Variants in DBX2 observed in about 807,000 individuals in gnomAD.
The protein encoded by DBX2 is developing brain homeobox 2, also known as homeobox protein DBX2.
Under a neutral mutation model 17.7 loss-of-function variants are expected in DBX2, and 16 were observed. That is an observed-to-expected ratio of 0.90 (90% confidence interval 0.61 to 1.37). The LOEUF is 1.37. Ranked by LOEUF, DBX2 falls within the 40% of genes most tolerant of loss-of-function variation. The pLI is 0.00. For missense variants in DBX2, 538 were observed against 433.8 expected (o/e 1.24, Z -2.13); for synonymous variants, 255 against 183.8 (o/e 1.39, Z -3.13).
At chr12:45,035,253 T>C (rs1368424147) in intron 2 of DBX2, among the ~76,000 whole-genome samples, 2 of 152,162 alleles carry the variant, frequency 1.3e-5, no homozygotes, top group Admixed American at 6.5e-5. Flanking sequence ...TGAGTAAGTG[T>C]TTTCTCTTGG....
At position 45,036,114 on chromosome 12, in the gene DBX2, G is replaced by A; in HGVS notation, c.404C>T (p.Ala135Val). The change falls in exon 2 of 4, where the codon GCA (alanine) becomes GTA (valine). Residue 135 changes from alanine (A) to valine (V), a missense_variant and splice_region_variant. By Grantham distance (64) the Ala-to-Val change is moderately conservative. Transcript: ENST00000332700. ...GCTCAGAAGGAAAGGTTTGGAAGGT[G>A]CTGCAGAGAAAGCATTGATCTCATT... is the stretch of plus-strand genomic sequence containing the variant. ...RDCTFQPSAP[A>V]PSKPFLLSTP... 6.2e-7 allele frequency: 1 copy of A among 1,609,104 alleles called. No homozygotes were observed. Among genetic ancestry groups the A allele is most frequent in the African/African-American group, 1.3e-5 (1 of 74,826 alleles).
chr12:45,038,949 A>G (rs2137028748), intron 1 of DBX2, among the ~76,000 whole-genome samples: 1 of 152,196 alleles, frequency 6.6e-6, no homozygotes, highest in African/African-American at 2.4e-5. Context: ...TAACAATTCT[A>G]GTTTTGACTA....
rs1415723811 is a variant in DBX2 at position 45,016,493 on chromosome 12, A to G, written c.813T>C (p.Gly271=). 6 of 1,613,696 alleles carry G rather than the reference A, an allele frequency of 3.7e-6. No individual in the cohort carries two copies. The East Asian group carries it at 8.9e-5, about 24-fold the overall frequency. ...QEDPLSRSAL[G]FPSPCPSIWD... ...ATATTGAAGGACATGGAGAAGGGAAACCCAGAGCAGACCGTGAGAGGGGAT... is the reference window on the plus strand; with the variant it reads ...ATATTGAAGGACATGGAGAAGGGAAGCCCAGAGCAGACCGTGAGAGGGGAT... Residue 271 remains glycine (G), a synonymous_variant, in exon 4 of 4, where the codon GGT becomes GGC. Coordinates refer to ENST00000332700, the MANE Select transcript of DBX2 (RefSeq NM_001004329.3).
At chr12:45,041,577 T>C (rs564806055) in intron 1 of DBX2, among the ~76,000 whole-genome samples, 16 of 152,352 alleles carry the variant, frequency 1.1e-4, no homozygotes, top group Non-Finnish European at 1.5e-4. Flanking sequence ...TTTACTTTTC[T>C]GTTTATCAGA....
rs1190132618 is a variant in DBX2, at chr12:45,050,966, G to C, written c.-39C>G. 2.2e-6 allele frequency: 3 copies of C among 1,376,128 alleles called. No homozygotes were observed. Among genetic ancestry groups the C allele is most frequent in the Non-Finnish European group, 2.8e-6 (3 of 1,066,158 alleles). The allele number at this position is 1,376,128 out of a possible 1,614,324, so 85.2% of individuals were successfully genotyped here. On this transcript the variant is annotated 5_prime_UTR_variant, in exon 1 of 4. Coordinates refer to ENST00000332700, the MANE Select transcript of DBX2 (RefSeq NM_001004329.3). The stretch of plus-strand genomic sequence containing the variant: ...CCGGTCTGCTGCGCGCCCGCCTTGC[G>C]CCCGCCTGTCGCCCGGGCGCCCCGC...
intron 3 of DBX2, among the ~76,000 whole-genome samples, chr12:45,018,217 T>C (rs569258620): frequency 6.6e-6 from 1 of 152,270 alleles, no homozygotes; most frequent in East Asian, 1.9e-4. Flanking sequence ...TTCTAATGGG[T>C]TTTCACTGAG....
At chr12:45,033,784 A>T (rs1205068055) in intron 2 of DBX2, among the ~76,000 whole-genome samples, 1 of 152,192 alleles carries the variant, frequency 6.6e-6, no homozygotes, top group Admixed American at 6.5e-5. Flanking sequence ...CCTTGATTAG[A>T]GCTGTACTGA....
chr12:45,036,595 A>C (rs1946442361), intron 1 of DBX2, among the ~76,000 whole-genome samples: 1 of 152,184 alleles, frequency 6.6e-6, no homozygotes, highest in Non-Finnish European at 1.5e-5. Context: ...ACGACTAGGG[A>C]TTATATTAAA....
At chr12:45,042,961 T>A (rs1405462005) in intron 1 of DBX2, among the ~76,000 whole-genome samples, 1 of 152,136 alleles carries the variant, frequency 6.6e-6, no homozygotes, top group African/African-American at 2.4e-5. Context: ...ATTAGACCGC[T>A]CTGAAAAAAT....
intron 1 of DBX2, among the ~76,000 whole-genome samples, chr12:45,048,895 C>A (rs989297637): frequency 2.0e-5 from 3 of 152,064 alleles, no homozygotes; most frequent in African/African-American, 7.2e-5. Context: ...TTCTTACAAC[C>A]CTCGTAATTA....
rs1255911299 is a variant in DBX2 at position 45,038,010 on chromosome 12, A to G, written c.404-1896T>C. On this transcript the variant is annotated intron_variant, in intron 1 of 3. Coordinates refer to ENST00000332700, the MANE Select transcript of DBX2 (RefSeq NM_001004329.3). Reference sequence around the variant, plus strand: ...ATTTTTTTGAAGTTTCATTGTTATCATAAGTTGTTCTTATATTGACTATAA... The same window carrying G: ...ATTTTTTTGAAGTTTCATTGTTATCGTAAGTTGTTCTTATATTGACTATAA... 2.6e-5 allele frequency among the ~76,000 whole-genome samples: 4 copies of G among 152,082 alleles called. No homozygotes were observed. The East Asian group carries it at 7.7e-4, about 29-fold the overall frequency.
chr12:45,046,478 T>G (rs1018207006), intron 1 of DBX2, among the ~76,000 whole-genome samples: 1 of 152,160 alleles, frequency 6.6e-6, no homozygotes, highest in Non-Finnish European at 1.5e-5. Context: ...TTTTAATTTG[T>G]CAAAATGAAT....
rs1040045379 is a variant in DBX2 at position 45,051,086 on chromosome 12, G to A, written c.-159C>T. ...AGGAAAGGCCACCCGGGACGGCGGCGGACTTGGAACGATATTATTTATTTG... is the reference window on the plus strand; with the variant it reads ...AGGAAAGGCCACCCGGGACGGCGGCAGACTTGGAACGATATTATTTATTTG... On this transcript the variant is annotated 5_prime_UTR_variant, in exon 1 of 4. Transcript: ENST00000332700. 9.5e-5 allele frequency: 76 copies of A among 801,522 alleles called. No homozygotes were observed. In the East Asian group the frequency reaches 2.5e-3, roughly 27 times the overall value. 49.7% of individuals were successfully genotyped at this position (801,522 alleles called of 1,614,324 possible). A position where few individuals can be genotyped will look rare whatever the true frequency, so the allele number is the denominator to read the frequency against.
chr12:45,026,688 G>C (rs572346269), intron 2 of DBX2, among the ~76,000 whole-genome samples: 1 of 152,146 alleles, frequency 6.6e-6, no homozygotes, highest in Non-Finnish European at 1.5e-5. Context: ...ACATCTCCTG[G>C]CTAAGCCCTG....
intron 1 of DBX2, 38 bp downstream of exon 1, chr12:45,050,487 G>C (rs1327846702): frequency 6.5e-7 from 1 of 1,543,282 alleles, no homozygotes; most frequent in Non-Finnish European, 8.7e-7. Flanking sequence ...GCCTGGGGGC[G>C]CGGGCGCGGC....
chr12:45,021,442 G>A lies in DBX2; in HGVS notation c.687+2265C>T, dbSNP rs1189498135. On this transcript the variant is annotated intron_variant, in intron 3 of 3. Transcript: ENST00000332700. ...TTGTCTTTTCAAAAGTCTCTTTTGG[G>A]GACCACAATAGGTACTATCACAGAT... is the stretch of plus-strand genomic sequence containing the variant. 2.0e-5 allele frequency among the ~76,000 whole-genome samples: 3 copies of A among 152,090 alleles called. No individual in the cohort carries two copies. In the South Asian group the frequency reaches 6.2e-4, roughly 32 times the overall value.
chr12:45,020,675 G>GTATATATATATA lies in DBX2; in HGVS notation c.687+3020_687+3031dup, dbSNP rs10649840. On this transcript the variant is annotated intron_variant, in intron 3 of 3. Transcript: ENST00000332700. ...TTTATGTATGTATATGTATATATATGTATATATATATATATACACACACAC... is the reference window on the plus strand; with the variant it reads ...TTTATGTATGTATATGTATATATATGTATATATATATATATATATATATATATACACACACAC... Among the ~76,000 whole-genome samples the GTATATATATATA allele has an allele frequency of 4.5e-3, 653 of 146,002 alleles. 9 individuals are homozygous for GTATATATATATA. The highest frequency in any genetic ancestry group is 0.014 in the African/African-American group (569 of 39,680).
intron 1 of DBX2, among the ~76,000 whole-genome samples, chr12:45,041,540 C>T (rs975041223): frequency 5.3e-5 from 8 of 152,154 alleles, no homozygotes; most frequent in Admixed American, 4.6e-4. Context: ...TCAATCACCA[C>T]GCATAGCAAG....
chr12:45,039,880 GA>G (rs544221366), intron 1 of DBX2, among the ~76,000 whole-genome samples: 243 of 147,488 alleles, frequency 1.6e-3, no homozygotes, highest in East Asian at 0.011. Flanking sequence ...CCATGAGAGA[GA>G]AAAAAAAAAT....
Sources: allele counts gnomAD v4.1 joint callset (sites outside exome capture counted in the v4.1 genomes callset), GRCh38; gene constraint gnomAD v4.1.1; transcripts MANE v1.5; gene names NCBI Gene and HGNC (gene_info 2026-07-23, HGNC 2026-07-21).